Variants in KCNN1 observed in about 807,000 individuals in gnomAD.
KCNN1 encodes the protein small conductance calcium-activated potassium channel protein 1.
KCNN1 carries 20 observed loss-of-function variants against 44.7 expected under a neutral mutation model. The observed-to-expected ratio is 0.45, with a 90% CI of 0.32 to 0.65. The LOEUF is 0.65. KCNN1 is among the 30% of genes least tolerant of loss of function. The pLI, the probability that KCNN1 is intolerant of heterozygous loss-of-function variation, is 0.05. For synonymous variants in KCNN1, 324 were observed against 341.7 expected (o/e 0.95, Z 0.57); for missense variants, 632 against 785.3 (o/e 0.80, Z 2.33).
chr19:17,979,267 A>G (rs1365439616), intron 3 of KCNN1, among the ~76,000 whole-genome samples: 5 of 150,852 alleles, frequency 3.3e-5, no homozygotes, highest in Non-Finnish European at 5.9e-5. Flanking sequence ...CCCCGTCTCT[A>G]CTAAAAATAC....
chr19:17,974,472 C>T lies in KCNN1; in HGVS notation c.402+182C>T, dbSNP rs574293878. Among the ~76,000 whole-genome samples, 3 of 152,274 alleles carry T rather than the reference C, an allele frequency of 2.0e-5. No homozygotes were observed. The highest frequency in any genetic ancestry group is 6.5e-5 in the Admixed American group (1 of 15,294). ...CCAGGAAGGTAGCAGGGAGGCTACACATGGAGAAGGAAGGTTCCAGCCCAT... is the reference window on the plus strand; with the variant it reads ...CCAGGAAGGTAGCAGGGAGGCTACATATGGAGAAGGAAGGTTCCAGCCCAT... On this transcript the variant is annotated intron_variant, in intron 2 of 9. Coordinates refer to ENST00000684775, the MANE Select transcript of KCNN1 (RefSeq NM_001386974.1). This position sits in a 1 kb window ranked among gnomAD's most constrained non-coding sequence, Gnocchi z 7.3.
At chr19:17,970,906 CAG>C (rs1458172012) in intron 1 of KCNN1, among the ~76,000 whole-genome samples, 4 of 149,330 alleles carry the variant, frequency 2.7e-5, no homozygotes, top group Non-Finnish European at 4.4e-5. Flanking sequence ...TTTTTTGAGA[CAG>C]AGTCTCACTC....
intron 3 of KCNN1, among the ~76,000 whole-genome samples, chr19:17,978,713 A>G (rs1443018037): frequency 6.6e-6 from 1 of 151,104 alleles, no homozygotes; most frequent in East Asian, 2.0e-4. Flanking sequence ...TCAGCCTCCT[A>G]AAGTGTTGGG....
chr19:17,975,287 T>A (rs1016950013), intron 3 of KCNN1, 100 bp downstream of exon 3: 1 of 775,826 alleles, frequency 1.3e-6, no homozygotes, highest in East Asian at 2.6e-5. Flanking sequence ...CATAAAAGGA[T>A]GTATAATTGG....
chr19:17,962,661 C>T (rs1391463396), upstream of KCNN1, among the ~76,000 whole-genome samples: 1 of 152,060 alleles, frequency 6.6e-6, no homozygotes, highest in African/African-American at 2.4e-5. Context: ...CCGCTTCCTG[C>T]CCCTGCAGTT....
intron 5 of KCNN1, among the ~76,000 whole-genome samples, chr19:17,987,000 T>A (rs2032621956): frequency 1.3e-5 from 2 of 151,250 alleles, no homozygotes; most frequent in Admixed American, 6.6e-5. Context: ...ATAGACAGGG[T>A]TTCATCATGC....
intron 9 of KCNN1, among the ~76,000 whole-genome samples, chr19:17,994,922 T>C (rs1011400293): frequency 7.2e-5 from 11 of 152,250 alleles, no homozygotes; most frequent in Admixed American, 1.3e-4. Context: ...TTGAGATCTT[T>C]GCAACACTGA....
intron 6 of KCNN1, 140 bp from the exon 7 acceptor site, chr19:17,989,576 G>A: frequency 8.4e-7 from 1 of 1,192,460 alleles, no homozygotes; most frequent in African/African-American, 1.5e-5. Flanking sequence ...TGTTGTACAA[G>A]CATGGCCCTG....
chr19:17,980,064 C>T (rs866158531), intron 3 of KCNN1, among the ~76,000 whole-genome samples: 9 of 137,794 alleles, frequency 6.5e-5, no homozygotes, highest in Admixed American at 2.2e-4. Flanking sequence ...CTTTTTCTTT[C>T]TTTTTTTTTT....
At position 17,974,257 on chromosome 19, in the gene KCNN1, GGAGACC is replaced by G; in HGVS notation, c.373_378del (p.Thr125_Glu126del). On this transcript the variant is annotated inframe_deletion, in exon 2 of 10. Transcript: ENST00000684775. The surrounding 1 kb of genome is among the most constrained non-coding windows in gnomAD (Gnocchi z 7.3). ...TGTTTGGCATCGTCGTCATGGTGAC[GGAGACC>G]GAGCTGTCCTGGGGGGTGTACACCA... The G allele has an allele frequency of 6.3e-7, 1 of 1,599,918 alleles. No homozygotes were observed. The highest frequency in any genetic ancestry group is 8.5e-7 in the Non-Finnish European group (1 of 1,171,606).
At position 17,999,704 on chromosome 19, in the gene KCNN1, T is replaced by G. The variant is rs1386127171; in HGVS notation, c.*1298T>G. Reference sequence around the variant, plus strand: ...GAGCAACAGGCATTTACTTGGCAGATGCTGAGCCCTGGGTGGGGCGAGGAG... The same window carrying G: ...GAGCAACAGGCATTTACTTGGCAGAGGCTGAGCCCTGGGTGGGGCGAGGAG... On this transcript the variant is annotated 3_prime_UTR_variant, in exon 10 of 10. Transcript: ENST00000684775. 3.6e-6 allele frequency: 1 copy of G among 279,028 alleles called. No individual in the cohort carries two copies. Among genetic ancestry groups the G allele is most frequent in the East Asian group, 8.7e-5 (1 of 11,496 alleles). 17.3% of individuals were successfully genotyped at this position (279,028 alleles called of 1,614,324 possible). A position where few individuals can be genotyped will look rare whatever the true frequency, so the allele number is the denominator to read the frequency against.
chr19:17,998,359 A>G lies in KCNN1; in HGVS notation c.1585A>G (p.Ser529Gly). Residue 529 changes from serine (S) to glycine (G), a missense_variant, in exon 10 of 10, where the codon AGC (serine) becomes GGC (glycine). Transcript: ENST00000684775. The surrounding 1 kb of genome is among the most constrained non-coding windows in gnomAD (Gnocchi z 5.4). ...CGGCCCCCAAGACCAGGCAGCCCGG[A>G]GCTCCCCCTGCCGGTGGACGCCCGT... Reference protein sequence around the residue: ...GPGPQDQAARSSPCRWTPVAP... With the variant: ...GPGPQDQAARGSPCRWTPVAP... 2.0e-6 allele frequency: 3 copies of G among 1,505,086 alleles called. No homozygotes were observed. Among genetic ancestry groups the G allele is most frequent in the Non-Finnish European group, 2.7e-6 (3 of 1,129,710 alleles). 93.2% of individuals were successfully genotyped at this position (1,505,086 alleles called of 1,614,324 possible).
chr19:17,997,602 C>A (rs1009395077), intron 9 of KCNN1, among the ~76,000 whole-genome samples: 4 of 152,206 alleles, frequency 2.6e-5, no homozygotes, highest in Non-Finnish European at 2.9e-5. Flanking sequence ...CCTCATCCCC[C>A]CCGAGTAGCG....
chr19:17,982,761 C>T (rs554655432), intron 4 of KCNN1, among the ~76,000 whole-genome samples: 2 of 152,310 alleles, frequency 1.3e-5, no homozygotes, highest in South Asian at 4.1e-4. Flanking sequence ...ACTGGGCGTC[C>T]TCTCCGAGCC....
chr19:17,962,038 G>C (rs2031694157), intron 2 of KCNN1, among the ~76,000 whole-genome samples: 2 of 152,234 alleles, frequency 1.3e-5, no homozygotes, highest in Admixed American at 1.3e-4. Context: ...ACAGTGGGGA[G>C]AGAGGGGTTC....
intron 1 of KCNN1, among the ~76,000 whole-genome samples, chr19:17,969,879 A>C (rs1309941375): frequency 6.6e-6 from 1 of 152,062 alleles, no homozygotes; most frequent in Non-Finnish European, 1.5e-5. Flanking sequence ...TCCTGTGTGC[A>C]CCCTAGTGCA....
chr19:17,981,110 G>A (rs942750736), intron 3 of KCNN1, among the ~76,000 whole-genome samples: 12 of 150,724 alleles, frequency 8.0e-5, no homozygotes, highest in Non-Finnish European at 1.6e-4. Context: ...CCAGCTACTC[G>A]GGAGGCTGAG....
intron 9 of KCNN1, among the ~76,000 whole-genome samples, chr19:17,994,310 G>A (rs1379193856): frequency 6.6e-6 from 1 of 151,822 alleles, no homozygotes; most frequent in Non-Finnish European, 1.5e-5. Context: ...AACCAGGCAT[G>A]GTGGTGAGTG....
chr19:17,967,632 GAC>G (rs1337250841), intron 1 of KCNN1, among the ~76,000 whole-genome samples: 5 of 151,950 alleles, frequency 3.3e-5, no homozygotes, highest in African/African-American at 4.8e-5. Context: ...CTCAGGGATG[GAC>G]AGTGACCCGC....
Sources: allele counts gnomAD v4.1 joint callset (sites outside exome capture counted in the v4.1 genomes callset), GRCh38; gene constraint gnomAD v4.1.1; non-coding constraint Gnocchi (gnomAD v3.1); transcripts MANE v1.5; gene names NCBI Gene and HGNC (gene_info 2026-07-23, HGNC 2026-07-21).